Variants in ANKIB1 observed in about 807,000 individuals in gnomAD.
The protein encoded by ANKIB1 is ankyrin repeat and IBR domain-containing protein 1.
Under a neutral mutation model 122.1 loss-of-function variants are expected in ANKIB1, and 43 were observed. The ratio of observed to expected loss-of-function variants is 0.35; its 90% CI spans 0.28 to 0.45. The LOEUF (loss-of-function observed/expected upper bound fraction) is 0.45. Ranked by LOEUF, ANKIB1 falls within the 20% of genes least tolerant of loss-of-function variation. The pLI is 1.00. For synonymous variants in ANKIB1, 390 were observed against 442.0 expected (o/e 0.88, Z 1.48); for missense variants, 992 against 1,329.5 (o/e 0.75, Z 3.95).
At chr7:92,346,844 C>T (rs1387807130) in intron 7 of ANKIB1, among the ~76,000 whole-genome samples, 1 of 152,162 alleles carries the variant, frequency 6.6e-6, no homozygotes, top group East Asian at 1.9e-4. Flanking sequence ...ATCTCCCAAA[C>T]TCATCACAAA....
intron 3 of ANKIB1, among the ~76,000 whole-genome samples, chr7:92,318,961 A>G (rs1802849570): frequency 6.6e-6 from 1 of 152,222 alleles, no homozygotes; most frequent in Non-Finnish European, 1.5e-5. Flanking sequence ...CTTGTTTAAG[A>G]AAGATTTATA....
At position 92,401,243 on chromosome 7, in the gene ANKIB1, T is replaced by G. The variant is rs1805004967; in HGVS notation, c.*2294T>G. The G allele has an allele frequency of 6.6e-6, 1 of 152,262 alleles. No homozygotes were observed. The highest frequency in any genetic ancestry group is 2.1e-4 in the South Asian group (1 of 4,834). The allele number at this position is 152,262 out of a possible 1,614,324, so 9.4% of individuals were successfully genotyped here. The stretch of plus-strand genomic sequence containing the variant: ...AAAAAGTTAATCTAACCTTGACTTG[T>G]TATTTGCACTTTCATAGTCTATACT... On this transcript the variant is annotated 3_prime_UTR_variant, in exon 20 of 20. Transcript: ENST00000265742.
intron 11 of ANKIB1, among the ~76,000 whole-genome samples, chr7:92,377,043 C>T (rs1258761386): frequency 6.6e-6 from 1 of 152,164 alleles, no homozygotes; most frequent in Non-Finnish European, 1.5e-5. Flanking sequence ...AAGAACTTTT[C>T]CTTTGCATTC....
intron 2 of ANKIB1, among the ~76,000 whole-genome samples, chr7:92,303,364 T>G (rs141750901): frequency 1.5e-3 from 231 of 152,294 alleles, no homozygotes; most frequent in Non-Finnish European, 2.5e-3. Flanking sequence ...TTTGGAGCAT[T>G]TCAGATTTCT....
At chr7:92,278,543 A>C (rs1235998153) in intron 1 of ANKIB1, among the ~76,000 whole-genome samples, 1 of 152,194 alleles carries the variant, frequency 6.6e-6, no homozygotes, top group Non-Finnish European at 1.5e-5. Context: ...CCATTTAACA[A>C]TCTTAACTTT....
intron 1 of ANKIB1, among the ~76,000 whole-genome samples, chr7:92,253,712 T>A (rs1801378889): frequency 6.6e-6 from 1 of 152,190 alleles, no homozygotes; most frequent in African/African-American, 2.4e-5. Context: ...CCATTCTTTT[T>A]AACAACTTAC....
At position 92,275,531 on chromosome 7, in the gene ANKIB1, C is replaced by T. The variant is rs186391916; in HGVS notation, c.-90-19358C>T. On this transcript the variant is annotated intron_variant, in intron 1 of 19. Transcript: ENST00000265742. ...CAGAGGTCAGGGATGATTAACATTGCGAAATGTGAGGGACGGTCCTACACA... is the reference window on the plus strand; with the variant it reads ...CAGAGGTCAGGGATGATTAACATTGTGAAATGTGAGGGACGGTCCTACACA... Among the ~76,000 whole-genome samples, 43 of 152,048 alleles carry T rather than the reference C, an allele frequency of 2.8e-4. No homozygotes were observed. The East Asian group carries it at 7.5e-3, about 27-fold the overall frequency.
At position 92,398,860 on chromosome 7, in the gene ANKIB1, G is replaced by T; in HGVS notation, c.3181G>T (p.Glu1061Ter). 6.2e-7 allele frequency: 1 copy of T among 1,605,478 alleles called. No homozygotes were observed. The highest frequency in any genetic ancestry group is 1.1e-5 in the South Asian group (1 of 89,640). Residue 1061 changes from glutamate (E) to a stop codon, truncating the protein, a stop_gained, in exon 20 of 20, where the codon GAG becomes TAG. Transcript: ENST00000265742. LOFTEE classifies it high-confidence loss of function. ...ATCTCAAGCTGGTGACAGTGGTAAC[G>T]AGGCAGCCAACAGAGGAGATGGTTC... ...AASQAGDSGN[E>*]AANRGDGSDV...
chr7:92,267,088 G>A (rs1428978871), intron 1 of ANKIB1, among the ~76,000 whole-genome samples: 3 of 152,134 alleles, frequency 2.0e-5, no homozygotes, highest in Non-Finnish European at 4.4e-5. Context: ...AGAGCAAATG[G>A]GAAATGATGA....
At chr7:92,397,899 C>T (rs1303268375) in intron 19 of ANKIB1, 40 bp downstream of exon 19, 2 of 1,579,600 alleles carry the variant, frequency 1.3e-6, no homozygotes, top group African/African-American at 1.4e-5. Flanking sequence ...TGCTTTTACT[C>T]TTTCTCTGCT....
chr7:92,267,222 A>G (rs1172544144), intron 1 of ANKIB1, among the ~76,000 whole-genome samples: 1 of 152,216 alleles, frequency 6.6e-6, no homozygotes, highest in African/African-American at 2.4e-5. Context: ...ATTTTTTAGA[A>G]TGTAAGAAAC....
At chr7:92,361,260 G>A (rs995045466) in intron 9 of ANKIB1, among the ~76,000 whole-genome samples, 1 of 152,116 alleles carries the variant, frequency 6.6e-6, no homozygotes, top group African/African-American at 2.4e-5. Flanking sequence ...ATAAAATAGA[G>A]TTACAAATGG....
intron 4 of ANKIB1, among the ~76,000 whole-genome samples, chr7:92,324,312 G>C (rs1184096172): frequency 6.6e-6 from 1 of 152,128 alleles, no homozygotes; most frequent in Admixed American, 6.6e-5. Flanking sequence ...CAGCTCACTG[G>C]AGCCTCCACC....
In ANKIB1 at chr7:92,398,202, G is replaced by C; in HGVS notation, c.2533-10G>C. 2 of 1,557,050 alleles carry C rather than the reference G, an allele frequency of 1.3e-6. No homozygotes were observed. The highest frequency in any genetic ancestry group is 1.7e-6 in the Non-Finnish European group (2 of 1,155,796). On this transcript the variant is annotated splice_polypyrimidine_tract_variant and intron_variant, in intron 19 of 19. Coordinates refer to ENST00000265742, the MANE Select transcript of ANKIB1 (RefSeq NM_019004.2). Reference sequence around the variant, plus strand: ...AAATTTTAAAGTGGTTTTGCTTTCTGTTGCTTCAGGCTCTGAGTTCCTTGG... The same window carrying C: ...AAATTTTAAAGTGGTTTTGCTTTCTCTTGCTTCAGGCTCTGAGTTCCTTGG...
At chr7:92,322,111 C>G (rs888193392) in intron 4 of ANKIB1, among the ~76,000 whole-genome samples, 2 of 152,222 alleles carry the variant, frequency 1.3e-5, no homozygotes, top group Non-Finnish European at 2.9e-5. Context: ...CATTATCTTG[C>G]GTCAAACAGA....
intron 1 of ANKIB1, among the ~76,000 whole-genome samples, chr7:92,280,884 A>G (rs1802000770): frequency 6.6e-6 from 1 of 152,290 alleles, no homozygotes; most frequent in Non-Finnish European, 1.5e-5. Context: ...CAAACAGTGC[A>G]TTTGCCATAT....
chr7:92,295,300 C>T (rs1175076903), intron 2 of ANKIB1, 134 bp downstream of exon 2: 12 of 528,640 alleles, frequency 2.3e-5, no homozygotes, highest in Non-Finnish European at 3.5e-5. Context: ...CAAACATGTA[C>T]ATGTAATATG....
chr7:92,275,296 T>A (rs1433338699), intron 1 of ANKIB1, among the ~76,000 whole-genome samples: 1 of 152,198 alleles, frequency 6.6e-6, no homozygotes, highest in South Asian at 2.1e-4. Context: ...CTGGGGAGTA[T>A]GACATAGACA....
At chr7:92,384,964 AG>A (rs761493655) in intron 11 of ANKIB1, among the ~76,000 whole-genome samples, 9 of 152,244 alleles carry the variant, frequency 5.9e-5, no homozygotes, top group Non-Finnish European at 1.3e-4. Context: ...TCAGCATGGG[AG>A]AAAATTTTTG....
Sources: allele counts gnomAD v4.1 joint callset (sites outside exome capture counted in the v4.1 genomes callset), GRCh38; gene constraint gnomAD v4.1.1; transcripts MANE v1.5; gene names NCBI Gene and HGNC (gene_info 2026-07-23, HGNC 2026-07-21).